The following RPS6KA2 variants were observed in gnomAD, a reference collection of about 807,000 sequenced individuals.
RPS6KA2 encodes the protein ribosomal protein S6 kinase A2, also known as ribosomal protein S6 kinase alpha-2.
In RPS6KA2, 42 loss-of-function variants were observed where a neutral mutation model predicts 91.8. The observed-to-expected ratio is 0.46, with a 90% CI of 0.36 to 0.59. The LOEUF (loss-of-function observed/expected upper bound fraction) is 0.59. Among genes scored for constraint, RPS6KA2 ranks in the 20% least tolerant of loss-of-function variants. The pLI is 0.00. For missense variants in RPS6KA2, 798 were observed against 978.5 expected (o/e 0.82, Z 2.46); for synonymous variants, 414 against 393.6 (o/e 1.05, Z -0.61).
At chr6:166,616,009 C>T (rs973121997) in intron 1 of RPS6KA2, among the ~76,000 whole-genome samples, 4 of 152,172 alleles carry the variant, frequency 2.6e-5, no homozygotes, top group Non-Finnish European at 5.9e-5. Context: ...ATCCCTGTAA[C>T]AGCAGTCCCT....
chr6:166,466,989 AACTC>A (rs1341180209), intron 11 of RPS6KA2, among the ~76,000 whole-genome samples: 2 of 134,816 alleles, frequency 1.5e-5, no homozygotes, highest in Non-Finnish European at 3.1e-5. Flanking sequence ...CTCACTCATT[AACTC>A]ACTCACTCCT....
chr6:166,507,510 A>G (rs1398312527), intron 5 of RPS6KA2, among the ~76,000 whole-genome samples: 1 of 151,078 alleles, frequency 6.6e-6, no homozygotes, highest in Non-Finnish European at 1.5e-5. Flanking sequence ...ACCCCACACC[A>G]CACAAAGCAC....
intron 14 of RPS6KA2, among the ~76,000 whole-genome samples, chr6:166,439,303 T>C (rs1488041556): frequency 6.6e-6 from 1 of 152,226 alleles, no homozygotes; most frequent in Non-Finnish European, 1.5e-5. Context: ...AGACGGGGCT[T>C]CGCCATGTTG....
chr6:166,854,005 T>A (rs1780820801), intron 2 of RPS6KA2, among the ~76,000 whole-genome samples: 1 of 152,230 alleles, frequency 6.6e-6, no homozygotes, highest in Non-Finnish European at 1.5e-5. Context: ...CTTCAAGTAA[T>A]CTCTTAAAGA....
chr6:166,538,624 G>T, intron 2 of RPS6KA2, 44 bp downstream of exon 2: 1 of 1,120,042 alleles, frequency 8.9e-7, no homozygotes, highest in Non-Finnish European at 1.4e-6. Flanking sequence ...GGTGTCCTTT[G>T]TGTTCAGGAA....
chr6:166,432,653 G>A (rs929102276), intron 14 of RPS6KA2, among the ~76,000 whole-genome samples, 163 bp from the exon 15 acceptor site: 16 of 152,092 alleles, frequency 1.1e-4, no homozygotes, highest in African/African-American at 3.9e-4. Context: ...GGAGATTCAT[G>A]GCAAGTCCTT....
intron 11 of RPS6KA2, among the ~76,000 whole-genome samples, chr6:166,467,417 C>A (rs540682791): frequency 6.6e-6 from 1 of 152,134 alleles, no homozygotes; most frequent in Non-Finnish European, 1.5e-5. Flanking sequence ...TATTTTGAGG[C>A]GAGTCAGAAA....
intron 11 of RPS6KA2, among the ~76,000 whole-genome samples, chr6:166,464,408 T>C (rs112516561): frequency 3.9e-5 from 6 of 152,322 alleles, no homozygotes; most frequent in African/African-American, 1.2e-4. Flanking sequence ...GAGCTACTAG[T>C]ATTGATCATG....
intron 2 of RPS6KA2, among the ~76,000 whole-genome samples, chr6:166,745,440 CTG>C (rs1790973566): frequency 6.6e-6 from 1 of 152,212 alleles, no homozygotes; most frequent in Non-Finnish European, 1.5e-5. Context: ...GTGTGAGCCA[CTG>C]CACCCGGCCC....
chr6:166,758,534 A>G lies in RPS6KA2; in HGVS notation c.123+99666T>C, dbSNP rs989412718. ...GCTGCTGAGTACAGGCGGCAGGTTC[A>G]GAGTCAGACCCAGGACACTGGCGGA... On this transcript the variant is annotated intron_variant, in intron 2 of 21. Transcript: ENST00000503859. Among the ~76,000 whole-genome samples, 5 of 152,028 alleles carry G rather than the reference A, an allele frequency of 3.3e-5. 1 individual carries two copies. Among genetic ancestry groups the G allele is most frequent in the African/African-American group, 9.7e-5 (4 of 41,276 alleles).
At chr6:166,734,566 A>G (rs1790621216) in intron 2 of RPS6KA2, among the ~76,000 whole-genome samples, 1 of 152,100 alleles carries the variant, frequency 6.6e-6, no homozygotes, top group Admixed American at 6.5e-5. Flanking sequence ...TTCATGTCCC[A>G]ATTAAGACAC....
rs981164543 is a variant in RPS6KA2, at chr6:166,445,023, A to C, written c.1332+3701T>G. On this transcript the variant is annotated intron_variant, in intron 14 of 20. Coordinates refer to ENST00000265678, the MANE Select transcript of RPS6KA2 (RefSeq NM_021135.6). This position sits in a 1 kb window ranked among gnomAD's most constrained non-coding sequence, Gnocchi z 4.5. ...ACCTTAAATGTAGTTTACGTTATTC[A>C]GGGTAATTATGGTGGCAAAATTAGA... 6.6e-6 allele frequency among the ~76,000 whole-genome samples: 1 copy of C among 152,262 alleles called. No homozygotes were observed. The highest frequency in any genetic ancestry group is 2.4e-5 in the African/African-American group (1 of 41,464).
chr6:166,752,345 C>G (rs990186378), intron 2 of RPS6KA2, among the ~76,000 whole-genome samples: 7 of 152,140 alleles, frequency 4.6e-5, no homozygotes, highest in Non-Finnish European at 1.0e-4. Flanking sequence ...CATCCTTTAC[C>G]AACCTCAGCT....
intron 2 of RPS6KA2, among the ~76,000 whole-genome samples, chr6:166,651,537 G>A (rs1055665991): frequency 5.3e-5 from 8 of 152,122 alleles, no homozygotes; most frequent in African/African-American, 1.7e-4. Flanking sequence ...GGAAGACAAC[G>A]GAAATCCAAG....
At chr6:166,782,729 C>T (rs944281109) in intron 2 of RPS6KA2, among the ~76,000 whole-genome samples, 2 of 152,200 alleles carry the variant, frequency 1.3e-5, no homozygotes, top group African/African-American at 4.8e-5. Flanking sequence ...GGGGCCCTAC[C>T]TGACGTCAGA....
At chr6:166,779,827 G>A (rs1360032278) in intron 2 of RPS6KA2, among the ~76,000 whole-genome samples, 1 of 152,178 alleles carries the variant, frequency 6.6e-6, no homozygotes, top group South Asian at 2.1e-4. Flanking sequence ...CGGCAAGGCT[G>A]GGGCTAGCGT....
chr6:166,610,798 A>C (rs1786143186), intron 1 of RPS6KA2, among the ~76,000 whole-genome samples: 1 of 152,246 alleles, frequency 6.6e-6, no homozygotes, highest in Non-Finnish European at 1.5e-5. Flanking sequence ...CAATTATTAC[A>C]TTTATTATAG....
At chr6:166,801,319 G>T (rs1487913240) in intron 2 of RPS6KA2, among the ~76,000 whole-genome samples, 3 of 141,662 alleles carry the variant, frequency 2.1e-5, no homozygotes, top group Non-Finnish European at 4.6e-5. Context: ...GAATCTAAAG[G>T]AAAGGGAGGT....
intron 2 of RPS6KA2, among the ~76,000 whole-genome samples, chr6:166,711,406 G>GA (rs996454631): frequency 1.9e-4 from 26 of 133,476 alleles, no homozygotes; most frequent in Middle Eastern, 3.8e-3. Context: ...ATCTCAAACA[G>GA]AAAAAAAAAA....
Sources: gnomAD v4.1 joint callset for allele counts (sites outside exome capture counted in the v4.1 genomes callset) on GRCh38, gnomAD v4.1.1 for gene constraint, Gnocchi (gnomAD v3.1) non-coding constraint, MANE v1.5 for transcripts, NCBI Gene and HGNC (gene_info 2026-07-23, HGNC 2026-07-21) for gene names.